GNB4: variants seen among roughly 807,000 people sequenced by gnomAD.
The protein encoded by GNB4 is guanine nucleotide-binding protein subunit beta-4.
In GNB4, 28 loss-of-function variants were observed where a neutral mutation model predicts 45.2. The observed-to-expected ratio is 0.62, with a 90% CI of 0.46 to 0.85. The LOEUF (loss-of-function observed/expected upper bound fraction) is 0.85. GNB4 is among the 40% of genes least tolerant of loss of function. The pLI is 0.00. For synonymous variants in GNB4, 132 were observed against 143.7 expected, an observed-to-expected ratio of 0.92 and a Z score of 0.58; for missense variants, 321 against 425.4, an observed-to-expected ratio of 0.75 and a Z score of 2.16.
chr3:179,511,009 C>T, the GNB4 span, among the ~76,000 whole-genome samples: 1 of 152,176 alleles, frequency 6.6e-6, no homozygotes, highest in Admixed American at 6.5e-5. Context: ...CCCACCTACA[C>T]AGATGCGTGA....
chr3:179,421,046 T>C, intron 2 of GNB4, 119 bp from the exon 3 acceptor site: 1 of 623,712 alleles, frequency 1.6e-6, no homozygotes. Context: ...TCTTTAAAAA[T>C]TTTTTTAATT....
chr3:179,498,320 G>A, the GNB4 span, among the ~76,000 whole-genome samples: 1 of 152,176 alleles, frequency 6.6e-6, no homozygotes, highest in African/African-American at 2.4e-5. Flanking sequence ...ATGGTCAGAG[G>A]GAGAAGTTAA....
At chr3:179,504,439 C>G in the GNB4 span, among the ~76,000 whole-genome samples, 4 of 152,104 alleles carry the variant, frequency 2.6e-5, no homozygotes, top group Non-Finnish European at 4.4e-5. Context: ...GACTCTAAGC[C>G]CATCTCCCAC....
chr3:179,464,802 A>T, the GNB4 span: 363 of 1,346,904 alleles, frequency 2.7e-4, 3 homozygotes, highest in South Asian at 4.1e-3. Context: ...CCAGACAAGG[A>T]TGCTGATGGC....
At chr3:179,430,139 G>A (rs1450263710) in intron 1 of GNB4, among the ~76,000 whole-genome samples, 1 of 152,096 alleles carries the variant, frequency 6.6e-6, no homozygotes, top group Non-Finnish European at 1.5e-5. Flanking sequence ...TGCTGCCCAG[G>A]CTGGAGTGCA....
intron 3 of GNB4, among the ~76,000 whole-genome samples, chr3:179,420,012 G>C (rs1185204571): frequency 6.6e-6 from 1 of 151,272 alleles, no homozygotes; most frequent in Non-Finnish European, 1.5e-5. Context: ...CAACCTAAGA[G>C]TTTTCATAAG....
the GNB4 span, among the ~76,000 whole-genome samples, chr3:179,519,768 A>C: frequency 4.0e-5 from 6 of 151,692 alleles, no homozygotes; most frequent in South Asian, 1.3e-3. Flanking sequence ...GGACACCTCT[A>C]CTCCCTCCTC....
chr3:179,413,656 T>C lies in GNB4; in HGVS notation c.498-43A>G, dbSNP rs1317967536. 4 of 1,611,626 alleles carry C rather than the reference T, an allele frequency of 2.5e-6. No homozygotes were observed. The South Asian group carries it at 3.3e-5, about 13-fold the overall frequency. ...ATTTCATGACAATTACTTCTTCTTA[T>C]GTCAGTTCCTGCTACCACCCTCAAA... On this transcript the variant is annotated intron_variant, in intron 7 of 9. Transcript: ENST00000232564.
At chr3:179,411,290 CTG>C (rs1560212489) in intron 8 of GNB4, among the ~76,000 whole-genome samples, 1 of 151,940 alleles carries the variant, frequency 6.6e-6, no homozygotes, top group African/African-American at 2.4e-5. Context: ...AGAAATGTCA[CTG>C]TTAAAATCAT....
chr3:179,442,418 C>A (rs953518748), intron 1 of GNB4, among the ~76,000 whole-genome samples: 1 of 152,158 alleles, frequency 6.6e-6, no homozygotes, highest in African/African-American at 2.4e-5. Context: ...CCTAAAACTA[C>A]CTTCTCTAAG....
upstream of GNB4, chr3:179,452,245 G>T (rs933063269): frequency 6.6e-5 from 10 of 151,542 alleles, no homozygotes; most frequent in South Asian, 8.3e-4. Context: ...ATTTATCTGG[G>T]TGTTTTATGT....
At chr3:179,412,322 A>AAC (rs371107666) in intron 8 of GNB4, among the ~76,000 whole-genome samples, 18,294 of 150,756 alleles carry the variant, frequency 0.12, 1,419 homozygotes, top group Non-Finnish European at 0.17. Flanking sequence ...AAAAAAAACA[A>AAC]ACAAACACTA....
chr3:179,485,005 G>GTTTT, the GNB4 span, among the ~76,000 whole-genome samples: 172 of 51,132 alleles, frequency 3.4e-3, no homozygotes, highest in Non-Finnish European at 5.1e-3. Context: ...TTTTCGTTTT[G>GTTTT]TTTTTTTTTT....
At chr3:179,524,415 C>A in the GNB4 span, among the ~76,000 whole-genome samples, 1 of 152,216 alleles carries the variant, frequency 6.6e-6, no homozygotes, top group South Asian at 2.1e-4. Flanking sequence ...TGGAGGAGGT[C>A]CTGTAGGAAT....
Position 179,398,827 on chromosome 3 carries a change from C to G in GNB4, c.*2386G>C, listed in dbSNP as rs1370927054. 6.8e-6 allele frequency: 1 copy of G among 147,170 alleles called. No homozygotes were observed. Among genetic ancestry groups the G allele is most frequent in the Non-Finnish European group, 1.5e-5 (1 of 65,988 alleles). 9.1% of individuals were successfully genotyped at this position (147,170 alleles called of 1,614,324 possible). ...CCATTTGTTTATGTGTATAATTAAC[C>G]ACAAGTGTTAAATAGTTTTTAGTTG... is the stretch of plus-strand genomic sequence containing the variant. On this transcript the variant is annotated 3_prime_UTR_variant, in exon 10 of 10. Coordinates refer to ENST00000232564, the MANE Select transcript of GNB4 (RefSeq NM_021629.4).
chr3:179,488,335 A>G, the GNB4 span, among the ~76,000 whole-genome samples: 11 of 152,080 alleles, frequency 7.2e-5, no homozygotes, highest in Non-Finnish European at 1.6e-4. Flanking sequence ...TGCAAGTAAC[A>G]TGTGTGTTTT....
chr3:179,506,375 C>T, the GNB4 span, among the ~76,000 whole-genome samples: 1 of 152,058 alleles, frequency 6.6e-6, no homozygotes, highest in Admixed American at 6.6e-5. Flanking sequence ...GAAAATTACT[C>T]TAAAACACTA....
chr3:179,436,030 GCTA>G (rs1456905765), intron 1 of GNB4, among the ~76,000 whole-genome samples: 1 of 152,170 alleles, frequency 6.6e-6, no homozygotes, highest in Non-Finnish European at 1.5e-5. Context: ...GTATTTCTTA[GCTA>G]CTAAGTTTCA....
chr3:179,520,715 C>T, the GNB4 span, among the ~76,000 whole-genome samples: 2 of 152,116 alleles, frequency 1.3e-5, no homozygotes, highest in African/African-American at 4.8e-5. Context: ...TTCAATCCGG[C>T]CTCCCACATT....
Sources: allele counts gnomAD v4.1 joint callset (sites outside exome capture counted in the v4.1 genomes callset), GRCh38; gene constraint gnomAD v4.1.1; transcripts MANE v1.5; gene names NCBI Gene and HGNC (gene_info 2026-07-23, HGNC 2026-07-21).